ATP12A: variants seen among roughly 807,000 people sequenced by gnomAD.
ATP12A encodes potassium-transporting ATPase alpha chain 2.
ATP12A carries 81 observed loss-of-function variants against 111.2 expected under a neutral mutation model. The ratio of observed to expected loss-of-function variants is 0.73; its 90% CI spans 0.61 to 0.88. The LOEUF (loss-of-function observed/expected upper bound fraction) is 0.88, where lower values mean the gene tolerates loss of function less well. ATP12A is among the 40% of genes least tolerant of loss of function. The pLI is 0.00. For missense variants in ATP12A, 1,196 were observed against 1,313.1 expected (o/e 0.91, Z 1.38); for synonymous variants, 498 against 499.8 (o/e 1.00, Z 0.05).
At chr13:24,683,794 C>T (rs55840438) in intron 2 of ATP12A, among the ~76,000 whole-genome samples, 1 of 152,032 alleles carries the variant, frequency 6.6e-6, no homozygotes, top group Non-Finnish European at 1.5e-5. Flanking sequence ...GACGATAGAT[C>T]GTTCTTATTA....
chr13:24,711,736 C>G lies in ATP12A; in HGVS notation c.*214C>G. The G allele has an allele frequency of 1.6e-6, 1 of 621,524 alleles. No homozygotes were observed. Among genetic ancestry groups the G allele is most frequent in the Non-Finnish European group, 2.8e-6 (1 of 357,690 alleles). 38.5% of individuals were successfully genotyped at this position (621,524 alleles called of 1,614,324 possible). A position where few individuals can be genotyped will look rare whatever the true frequency, so the allele number is the denominator to read the frequency against. On this transcript the variant is annotated 3_prime_UTR_variant, in exon 23 of 23. Transcript: ENST00000381946. ...TTATATAGGATTTTCTTTTCTATCT[C>G]CATCTCCTCATTAAAAAATACGTAC...
At chr13:24,710,686 A>G (rs1406763747) in intron 20 of ATP12A, 93 bp downstream of exon 20, 1 of 1,604,704 alleles carries the variant, frequency 6.2e-7, no homozygotes, top group Non-Finnish European at 8.5e-7. Context: ...TTCTGGCCAC[A>G]CTTGTAACCC....
intron 5 of ATP12A, among the ~76,000 whole-genome samples, chr13:24,689,696 C>T (rs1874799428): frequency 6.6e-6 from 1 of 152,098 alleles, no homozygotes; most frequent in Admixed American, 6.5e-5. Flanking sequence ...CCAAGGAGAC[C>T]AGCCTGCAAT....
intron 4 of ATP12A, 150 bp downstream of exon 4, chr13:24,688,672 T>G (rs1340521462): frequency 2.4e-6 from 2 of 823,166 alleles, no homozygotes; most frequent in East Asian, 5.6e-5. Context: ...TCTGGCTTTC[T>G]GATCTTCTAG....
Position 24,711,323 on chromosome 13 carries a change from A to G in ATP12A, c.3005A>G (p.Gln1002Arg). 1 of 1,599,180 alleles carries G rather than the reference A, an allele frequency of 6.3e-7. No homozygotes were observed. Among genetic ancestry groups the G allele is most frequent in the East Asian group, 2.2e-5 (1 of 44,666 alleles). The change falls in exon 22 of 23, where the codon CAG (glutamine) becomes CGG (arginine). Residue 1002 changes from glutamine to arginine, a missense_variant. Transcript: ENST00000381946. ...TTCCATCCCTTTGCTTCCAGGGCTCAGTACTGGTTTGTGGCTGTGCCGCAC... is the reference window on the plus strand; with the variant it reads ...TTCCATCCCTTTGCTTCCAGGGCTCGGTACTGGTTTGTGGCTGTGCCGCAC... ...TALSFTMLRA[Q>R]YWFVAVPHAI...
At chr13:24,708,915 AAG>A (rs1491550001) in intron 17 of ATP12A, among the ~76,000 whole-genome samples, 1 of 121,480 alleles carries the variant, frequency 8.2e-6, no homozygotes, top group African/African-American at 3.5e-5. Context: ...GAAAGAAAGA[AAG>A]AAAGAAAGAA....
At chr13:24,686,701 T>A (rs940893242) in intron 3 of ATP12A, among the ~76,000 whole-genome samples, 3 of 151,726 alleles carry the variant, frequency 2.0e-5, no homozygotes, top group African/African-American at 7.3e-5. Context: ...ATCGCGCCAC[T>A]GCCCTCCAGC....
intron 12 of ATP12A, among the ~76,000 whole-genome samples, chr13:24,700,184 C>T (rs918333706): frequency 7.2e-5 from 11 of 152,206 alleles, no homozygotes; most frequent in African/African-American, 2.4e-4. Flanking sequence ...GGCTCGGCCC[C>T]ATTCCTGCTG....
chr13:24,692,361 A>C lies in ATP12A; in HGVS notation c.1069-68A>C, dbSNP rs1282079936. ...AATTCAATCACAGCTCACATTGGCT[A>C]TTTCTGTATTATTGGACCTGAGTTC... is the stretch of plus-strand genomic sequence containing the variant. On this transcript the variant is annotated intron_variant, in intron 8 of 22. Coordinates refer to ENST00000381946, the MANE Select transcript of ATP12A (RefSeq NM_001676.7). 3 of 1,495,312 alleles carry C rather than the reference A, an allele frequency of 2.0e-6. No homozygotes were observed. In the South Asian group the frequency reaches 3.5e-5, roughly 18 times the overall value. The allele number at this position is 1,495,312 out of a possible 1,614,324, so 92.6% of individuals were successfully genotyped here.
chr13:24,694,609 G>A (rs781340421), intron 11 of ATP12A, 31 bp downstream of exon 11: 2 of 1,611,450 alleles, frequency 1.2e-6, no homozygotes, highest in South Asian at 1.1e-5. Context: ...GGTAATCTCT[G>A]TCATCGGCAG....
intron 11 of ATP12A, among the ~76,000 whole-genome samples, chr13:24,697,469 A>G (rs1284336726): frequency 2.0e-5 from 3 of 151,974 alleles, no homozygotes; most frequent in East Asian, 1.9e-4. Flanking sequence ...CCTTATCTCT[A>G]CAAAAAAAAC....
At position 24,692,687 on chromosome 13, in the gene ATP12A, T is replaced by G. The variant is rs1344148592; in HGVS notation, c.1267+60T>G. 4 of 1,599,146 alleles carry G rather than the reference T, an allele frequency of 2.5e-6. No homozygotes were observed. The East Asian group carries it at 8.9e-5, about 36-fold the overall frequency. ...TGTGGACTCCATCCTGGGGCTGAGCTGAGCACACAGCAGGGTCTGCAGCCA... is the reference window on the plus strand; with the variant it reads ...TGTGGACTCCATCCTGGGGCTGAGCGGAGCACACAGCAGGGTCTGCAGCCA... On this transcript the variant is annotated intron_variant, in intron 9 of 22. Coordinates refer to ENST00000381946, the MANE Select transcript of ATP12A (RefSeq NM_001676.7).
At position 24,691,034 on chromosome 13, in the gene ATP12A, T is replaced by G; in HGVS notation, c.852T>G (p.His284Gln). 1.2e-6 allele frequency: 2 copies of G among 1,614,144 alleles called. No individual in the cohort carries two copies. ...CGGGTGACCGCACCATCATTGGCCA[T>G]ATTGCCTCATTGGCCTCAGGAGTTG... ...INTGDRTIIGHIASLASGVGN... is the reference protein window; with the variant it reads ...INTGDRTIIGQIASLASGVGN... Residue 284 changes from histidine (H) to glutamine (Q), a missense_variant, in exon 8 of 23, where the codon CAT becomes CAG. Physicochemically the swap from His to Gln is conservative, Grantham distance 24. Around this residue, in one of 3 missense-constraint regions of ATP12A, gnomAD observed 1,126 missense variants for 1,228.5 expected, o/e 0.92. Transcript: ENST00000381946.
intron 8 of ATP12A, among the ~76,000 whole-genome samples, chr13:24,691,575 T>G (rs768803328): frequency 6.6e-6 from 1 of 152,300 alleles, no homozygotes; most frequent in Non-Finnish European, 1.5e-5. Flanking sequence ...CGCACATTTC[T>G]TTGGCAGTTT....
At position 24,685,447 on chromosome 13, in the gene ATP12A, G is replaced by A; in HGVS notation, c.228+74G>A. ...AGAGGGAAGGCTGTGTGTGGCGGGGGGCTGTGTGGAAGAGTAGCGGCACCT... is the reference window on the plus strand; with the variant it reads ...AGAGGGAAGGCTGTGTGTGGCGGGGAGCTGTGTGGAAGAGTAGCGGCACCT... On this transcript the variant is annotated intron_variant, in intron 3 of 22. Transcript: ENST00000381946. This position sits in a 1 kb window ranked among gnomAD's most constrained non-coding sequence, Gnocchi z 5.5. 2.6e-6 allele frequency: 4 copies of A among 1,513,084 alleles called. No homozygotes were observed. The highest frequency in any genetic ancestry group is 3.7e-6 in the Non-Finnish European group (4 of 1,088,604). The allele number at this position is 1,513,084 out of a possible 1,614,324, so 93.7% of individuals were successfully genotyped here.
chr13:24,681,298 C>G (rs990375464), intron 1 of ATP12A, among the ~76,000 whole-genome samples: 2 of 152,162 alleles, frequency 1.3e-5, no homozygotes, highest in Non-Finnish European at 2.9e-5. Context: ...CCACCTGCTC[C>G]ACCCAGAGAA....
chr13:24,708,132 TTAAG>T (rs2137721597), intron 17 of ATP12A, among the ~76,000 whole-genome samples: 1 of 152,296 alleles, frequency 6.6e-6, no homozygotes, highest in Admixed American at 6.5e-5. Flanking sequence ...CCACCTCTTG[TTAAG>T]TAAGAGAGTC....
chr13:24,709,295 C>G, intron 17 of ATP12A, 69 bp from the exon 18 acceptor site: 6 of 1,025,316 alleles, frequency 5.9e-6, no homozygotes, highest in Admixed American at 2.6e-5. Context: ...CCCACCCCAG[C>G]CCCCCTCCCC....
intron 8 of ATP12A, among the ~76,000 whole-genome samples, chr13:24,691,505 A>G (rs976126609): frequency 2.0e-5 from 3 of 152,198 alleles, no homozygotes; most frequent in Non-Finnish European, 2.9e-5. Context: ...ACTCTGCCCC[A>G]TAAGATCTAG....
Sources: allele counts gnomAD v4.1 joint callset (sites outside exome capture counted in the v4.1 genomes callset), GRCh38; gene constraint gnomAD v4.1.1; regional missense constraint gnomAD v4.1.1; non-coding constraint Gnocchi (gnomAD v3.1); transcripts MANE v1.5; gene names NCBI Gene and HGNC (gene_info 2026-07-23, HGNC 2026-07-21).